Variants in FAAH2 observed in about 807,000 individuals in gnomAD.
FAAH2 encodes the protein fatty-acid amide hydrolase 2.
Under a neutral mutation model 36.9 loss-of-function variants are expected in FAAH2, and 60 were observed. The observed-to-expected ratio is 1.63, with a 90% confidence interval of 1.32 to 2.02. The LOEUF (loss-of-function observed/expected upper bound fraction) is 2.02, where lower values mean the gene tolerates loss of function less well. Ranked by LOEUF, FAAH2 falls within the 30% of genes most tolerant of loss-of-function variation. The pLI is 0.00. For synonymous variants in FAAH2, 214 were observed against 143.8 expected (o/e 1.49, Z -3.49); for missense variants, 689 against 397.5 (o/e 1.73, Z -6.23).
chrX:57,159,995 A>G, the FAAH2 span, among the ~76,000 whole-genome samples: 1 of 111,899 alleles, frequency 8.9e-6, no homozygotes, highest in African/African-American at 3.3e-5. Context: ...AGCTCTTATT[A>G]TTTTGAGATA....
intron 1 of FAAH2, among the ~76,000 whole-genome samples, chrX:57,291,205 A>C (rs947571299): frequency 8.9e-6 from 1 of 111,754 alleles, no homozygotes; most frequent in Non-Finnish European, 1.9e-5. Context: ...TGAGGGAGCT[A>C]TATTGTTTAC....
intron 10 of FAAH2, among the ~76,000 whole-genome samples, chrX:57,480,292 G>T (rs1414210584): frequency 1.8e-5 from 2 of 111,463 alleles, no homozygotes. Flanking sequence ...TACCAAAGCC[G>T]GGCAAAGACA....
the FAAH2 span, among the ~76,000 whole-genome samples, chrX:57,224,435 T>C: frequency 9.0e-6 from 1 of 111,225 alleles, no homozygotes; most frequent in Non-Finnish European, 1.9e-5. Flanking sequence ...TCTAACCAAA[T>C]AGACAGGAAT....
At chrX:57,249,180 A>G in the FAAH2 span, among the ~76,000 whole-genome samples, 2 of 111,831 alleles carry the variant, frequency 1.8e-5, no homozygotes, top group Non-Finnish European at 3.8e-5. Flanking sequence ...GATTGTTATC[A>G]TAGTGCTATT....
At chrX:57,352,050 G>GTATA (rs201980797) in intron 5 of FAAH2, among the ~76,000 whole-genome samples, 3 of 3,435 alleles carry the variant, frequency 8.7e-4, no homozygotes, top group East Asian at 0.087. Flanking sequence ...ATATATATGT[G>GTATA]TATATATATA....
At chrX:57,302,452 C>T (rs2052400647) in intron 2 of FAAH2, among the ~76,000 whole-genome samples, 1 of 111,635 alleles carries the variant, frequency 9.0e-6, no homozygotes, top group Non-Finnish European at 1.9e-5. Flanking sequence ...CAGTCCCTGA[C>T]TTCTTTCAGC....
chrX:57,161,459 G>A, the FAAH2 span, among the ~76,000 whole-genome samples: 3 of 111,147 alleles, frequency 2.7e-5, no homozygotes, highest in Non-Finnish European at 3.8e-5. Flanking sequence ...CGACAGTGGG[G>A]TGTTAAAGTC....
intron 7 of FAAH2, chrX:57,393,316 G>T: frequency 1.1e-6 from 1 of 907,152 alleles, no homozygotes; most frequent in Non-Finnish European, 1.6e-6. Context: ...TGACCATAGG[G>T]CCACCCCTGT....
intron 5 of FAAH2, among the ~76,000 whole-genome samples, chrX:57,373,854 C>A (rs1246087689): frequency 3.6e-5 from 4 of 111,596 alleles, no homozygotes; most frequent in African/African-American, 9.7e-5. Context: ...AGTTTCAGGT[C>A]TTAGATTTAG....
intron 2 of FAAH2, among the ~76,000 whole-genome samples, chrX:57,294,380 G>C (rs1483198789): frequency 8.9e-6 from 1 of 111,861 alleles, no homozygotes; most frequent in Non-Finnish European, 1.9e-5. Flanking sequence ...TTCCAGCTTT[G>C]TGTTTGTGAT....
chrX:57,427,194 A>T (rs1053168819), intron 7 of FAAH2, among the ~76,000 whole-genome samples: 1 of 110,954 alleles, frequency 9.0e-6, no homozygotes, highest in South Asian at 3.8e-4. Flanking sequence ...ACGGAAAAAA[A>T]TAGAAATCAT....
chrX:57,375,594 G>C (rs1182430926), intron 5 of FAAH2, among the ~76,000 whole-genome samples: 3 of 110,127 alleles, frequency 2.7e-5, no homozygotes, highest in Non-Finnish European at 3.8e-5. Flanking sequence ...TTCTAATTGA[G>C]CTTCTTTTCT....
chrX:57,273,731 G>A, the FAAH2 span, among the ~76,000 whole-genome samples: 29 of 111,582 alleles, frequency 2.6e-4, no homozygotes, highest in Admixed American at 1.9e-3. Context: ...AAGACACAAC[G>A]TACCAGAATC....
At chrX:57,442,956 G>T (rs983004598) in intron 8 of FAAH2, among the ~76,000 whole-genome samples, 1 of 111,841 alleles carries the variant, frequency 8.9e-6, no homozygotes, top group Admixed American at 9.5e-5. Flanking sequence ...CTTCTGGTTT[G>T]TAGAGTTTCT....
the FAAH2 span, among the ~76,000 whole-genome samples, chrX:57,168,623 A>G: frequency 5.4e-5 from 6 of 111,542 alleles, no homozygotes; most frequent in Admixed American, 3.8e-4. Flanking sequence ...TAATTGTTCA[A>G]TTTCAATATA....
the FAAH2 span, among the ~76,000 whole-genome samples, chrX:57,138,451 C>A: frequency 1.8e-5 from 2 of 108,489 alleles, no homozygotes; most frequent in Non-Finnish European, 3.8e-5. Context: ...ATTTTTTATC[C>A]ATTTATTTAT....
chrX:57,367,951 G>A lies in FAAH2; in HGVS notation c.743-10700G>A, dbSNP rs746051967. Among the ~76,000 whole-genome samples, 23 of 111,744 alleles carry A rather than the reference G, an allele frequency of 2.1e-4. No homozygotes were observed. In the South Asian group the frequency reaches 8.7e-3, roughly 42 times the overall value. ...GCTGCACAGTGCTATCTTATAACTGGAGCCACTGCTATATTGTGTCTTGCT... is the reference window on the plus strand; with the variant it reads ...GCTGCACAGTGCTATCTTATAACTGAAGCCACTGCTATATTGTGTCTTGCT... On this transcript the variant is annotated intron_variant, in intron 5 of 10. Coordinates refer to ENST00000374900, the MANE Select transcript of FAAH2 (RefSeq NM_174912.4).
At chrX:57,437,395 A>G (rs2147132232) in intron 8 of FAAH2, among the ~76,000 whole-genome samples, 1 of 110,706 alleles carries the variant, frequency 9.0e-6, no homozygotes, top group African/African-American at 3.3e-5. Context: ...CTGGCAAAAG[A>G]AAGAAATAAA....
chrX:57,282,004 A>G (rs781034454), upstream of FAAH2, among the ~76,000 whole-genome samples: 1 of 111,868 alleles, frequency 8.9e-6, no homozygotes, highest in East Asian at 2.8e-4. Context: ...TGTCTTTGTT[A>G]TTGTGAATAG....
Sources: gnomAD v4.1 joint callset for allele counts (sites outside exome capture counted in the v4.1 genomes callset) on GRCh38, gnomAD v4.1.1 for gene constraint, MANE v1.5 for transcripts, NCBI Gene and HGNC (gene_info 2026-07-23, HGNC 2026-07-21) for gene names.